The following LSAMP variants were observed in gnomAD, a reference collection of about 807,000 sequenced individuals.
LSAMP encodes limbic system associated membrane protein, also known as limbic system-associated membrane protein.
Under a neutral mutation model 38.6 loss-of-function variants are expected in LSAMP, and 7 were observed. That is an observed-to-expected ratio of 0.18 (90% CI 0.10 to 0.34). LSAMP has a LOEUF of 0.34. LSAMP is among the 10% of genes least tolerant of loss of function. The pLI is 1.00. For synonymous variants in LSAMP, 154 were observed against 166.8 expected (o/e 0.92, Z 0.59); for missense variants, 313 against 420.0 (o/e 0.75, Z 2.23).
At chr3:116,109,449 G>C (rs908310679) in intron 1 of LSAMP, among the ~76,000 whole-genome samples, 1 of 152,106 alleles carries the variant, frequency 6.6e-6, no homozygotes, top group Non-Finnish European at 1.5e-5. Flanking sequence ...GGCGACAGGC[G>C]GGAGGGAAAG....
intron 1 of LSAMP, among the ~76,000 whole-genome samples, chr3:116,232,695 C>CTT (rs1358749128): frequency 1.1e-4 from 3 of 27,324 alleles, no homozygotes; most frequent in South Asian, 1.8e-3. Flanking sequence ...TTCTTTCTTT[C>CTT]TTTCTTTTTT....
chr3:116,246,994 G>T (rs9875017), intron 1 of LSAMP, among the ~76,000 whole-genome samples: 107,487 of 152,016 alleles, frequency 0.71, 39,889 homozygotes, highest in South Asian at 0.84. Flanking sequence ...TGTGACTGTG[G>T]TCATCTTCTT....
intron 1 of LSAMP, among the ~76,000 whole-genome samples, chr3:116,343,189 A>T (rs1407836609): frequency 6.6e-6 from 1 of 152,104 alleles, no homozygotes; most frequent in Non-Finnish European, 1.5e-5. Context: ...CCTACTTGTG[A>T]TGGATTTGGA....
chr3:115,831,507 G>A (rs991438350), intron 6 of LSAMP, among the ~76,000 whole-genome samples: 7 of 152,158 alleles, frequency 4.6e-5, no homozygotes, highest in Non-Finnish European at 7.3e-5. Flanking sequence ...ATGTGAGAAT[G>A]TCTCTGGGTG....
chr3:116,228,991 A>G (rs971989017), intron 1 of LSAMP, among the ~76,000 whole-genome samples: 10 of 152,176 alleles, frequency 6.6e-5, no homozygotes, highest in Admixed American at 5.2e-4. Context: ...TAGTAAAAAC[A>G]CTTGACAAGT....
At chr3:116,097,048 C>A (rs1708239889) in intron 1 of LSAMP, among the ~76,000 whole-genome samples, 1 of 152,160 alleles carries the variant, frequency 6.6e-6, no homozygotes, top group African/African-American at 2.4e-5. Flanking sequence ...GAAAAAACTG[C>A]CTTTGGTTGT....
At chr3:115,955,530 C>A (rs1466298679) in intron 3 of LSAMP, among the ~76,000 whole-genome samples, 1 of 152,166 alleles carries the variant, frequency 6.6e-6, no homozygotes, top group African/African-American at 2.4e-5. Context: ...TACACAAAAT[C>A]AGCATGGTAC....
rs1293413127 is a variant in LSAMP, at chr3:115,807,765, G to A, written c.*2552C>T. The A allele has an allele frequency of 6.6e-6, 1 of 151,924 alleles. No homozygotes were observed. The highest frequency in any genetic ancestry group is 1.9e-4 in the East Asian group (1 of 5,190). 9.4% of individuals were successfully genotyped at this position (151,924 alleles called of 1,614,324 possible). On this transcript the variant is annotated 3_prime_UTR_variant, in exon 7 of 7. Transcript: ENST00000490035. ...ATTAAAGATGATACCCTTTATTCTT[G>A]AACTAAGAAGACCAAACTGTTAAGA...
chr3:115,920,538 C>T (rs1378979578), intron 3 of LSAMP, among the ~76,000 whole-genome samples: 1 of 152,060 alleles, frequency 6.6e-6, no homozygotes, highest in Non-Finnish European at 1.5e-5. Flanking sequence ...GTTCTTTGCC[C>T]ATTTCTTAGA....
intron 1 of LSAMP, among the ~76,000 whole-genome samples, chr3:116,394,876 C>T (rs1196815845): frequency 2.0e-5 from 3 of 152,280 alleles, no homozygotes; most frequent in South Asian, 4.1e-4. Flanking sequence ...TTTATAAGTG[C>T]TGTGGCTGTC....
chr3:116,312,996 G>A (rs764954504), intron 1 of LSAMP, among the ~76,000 whole-genome samples: 5 of 152,120 alleles, frequency 3.3e-5, no homozygotes, highest in African/African-American at 7.2e-5. Flanking sequence ...CTTAGTCAAT[G>A]TTAAGGACGC....
intron 1 of LSAMP, among the ~76,000 whole-genome samples, chr3:116,311,629 T>A (rs1321630474): frequency 1.3e-5 from 2 of 152,188 alleles, no homozygotes; most frequent in East Asian, 3.9e-4. Flanking sequence ...CAGACACATC[T>A]CAGCTTGGAG....
At chr3:116,125,975 C>G (rs1273620241) in intron 1 of LSAMP, among the ~76,000 whole-genome samples, 1 of 152,196 alleles carries the variant, frequency 6.6e-6, no homozygotes, top group Admixed American at 6.5e-5. Context: ...AATCTGGACT[C>G]AGTCTTCATT....
intron 1 of LSAMP, among the ~76,000 whole-genome samples, chr3:116,249,005 C>G (rs112076913): frequency 0.022 from 3,344 of 151,904 alleles, 68 homozygotes; most frequent in Middle Eastern, 0.034. Flanking sequence ...AAAAATTAGC[C>G]GGGCATGGTG....
intron 3 of LSAMP, among the ~76,000 whole-genome samples, chr3:115,895,333 C>T (rs533332641): frequency 6.6e-6 from 1 of 151,950 alleles, no homozygotes; most frequent in Non-Finnish European, 1.5e-5. Flanking sequence ...GGCAAGAGAC[C>T]AAACATTCAT....
At chr3:116,409,075 G>T (rs906078080) in intron 1 of LSAMP, among the ~76,000 whole-genome samples, 4 of 152,014 alleles carry the variant, frequency 2.6e-5, no homozygotes, top group African/African-American at 9.7e-5. Flanking sequence ...GGGGTGTTGG[G>T]AGTGCTAAAA....
intron 1 of LSAMP, among the ~76,000 whole-genome samples, chr3:116,341,350 C>A (rs1198516824): frequency 6.6e-6 from 1 of 151,570 alleles, no homozygotes; most frequent in African/African-American, 2.4e-5. Flanking sequence ...TTAAAATTAC[C>A]TGGAAGAAGG....
intron 1 of LSAMP, among the ~76,000 whole-genome samples, chr3:116,183,179 T>A (rs1206785910): frequency 6.6e-6 from 1 of 151,834 alleles, no homozygotes; most frequent in East Asian, 1.9e-4. Flanking sequence ...ACTAAACTGA[T>A]AGATGATCTC....
intron 1 of LSAMP, among the ~76,000 whole-genome samples, chr3:116,433,473 AAAGATATACAG>A (rs1397852613): frequency 2.2e-4 from 33 of 152,256 alleles, no homozygotes; most frequent in African/African-American, 6.7e-4. Flanking sequence ...TACATTAGGG[AAAGATATACAG>A]AAGGAAATTT....
Sources: allele counts gnomAD v4.1 joint callset (sites outside exome capture counted in the v4.1 genomes callset), GRCh38; gene constraint gnomAD v4.1.1; transcripts MANE v1.5; gene names NCBI Gene and HGNC (gene_info 2026-07-23, HGNC 2026-07-21).